ZMAT5: variants seen among roughly 807,000 people sequenced by gnomAD.
The protein encoded by ZMAT5 is zinc finger matrin-type 5, also known as zinc finger matrin-type protein 5.
Under a neutral mutation model 28.0 loss-of-function variants are expected in ZMAT5, and 23 were observed. That is an observed-to-expected ratio of 0.82 (90% CI 0.59 to 1.16). The LOEUF is 1.16. Ranked by LOEUF, ZMAT5 falls within the 50% of genes most tolerant of loss-of-function variation. The pLI is 0.00. For missense variants in ZMAT5, 173 were observed against 212.7 expected, an observed-to-expected ratio of 0.81 and a Z score of 1.16; for synonymous variants, 76 against 84.1, an observed-to-expected ratio of 0.90 and a Z score of 0.52.
chr22:29,739,456 T>C (rs1455276012), intron 4 of ZMAT5, among the ~76,000 whole-genome samples: 1 of 152,180 alleles, frequency 6.6e-6, no homozygotes, highest in Non-Finnish European at 1.5e-5. Flanking sequence ...CCCTGGGCTG[T>C]ACAGGTGTCA....
At chr22:29,765,997 A>G (rs2068207501) in intron 1 of ZMAT5, among the ~76,000 whole-genome samples, 1 of 152,154 alleles carries the variant, frequency 6.6e-6, no homozygotes, top group Non-Finnish European at 1.5e-5. Flanking sequence ...TTTCTCCTGA[A>G]AACCCTTCAA....
At chr22:29,759,928 C>T (rs1274835093) in intron 1 of ZMAT5, among the ~76,000 whole-genome samples, 2 of 151,366 alleles carry the variant, frequency 1.3e-5, no homozygotes, top group African/African-American at 2.4e-5. Context: ...AGGCCGGGCA[C>T]GGTGGCTCAT....
At chr22:29,748,619 C>A in intron 1 of ZMAT5, 48 bp from the exon 2 acceptor site, 1 of 1,597,406 alleles carries the variant, frequency 6.3e-7, no homozygotes, top group South Asian at 1.1e-5. Flanking sequence ...GAAAACACAT[C>A]CCTCACCAGC....
intron 2 of ZMAT5, among the ~76,000 whole-genome samples, chr22:29,745,580 A>G (rs569725044): frequency 1.4e-4 from 22 of 152,218 alleles, no homozygotes; most frequent in Non-Finnish European, 2.1e-4. Flanking sequence ...CCTACTTAGT[A>G]AGCTCTTATG....
chr22:29,749,427 T>G (rs969456819), intron 1 of ZMAT5, among the ~76,000 whole-genome samples: 1 of 151,998 alleles, frequency 6.6e-6, no homozygotes, highest in Admixed American at 6.6e-5. Context: ...CGGCCTCCCC[T>G]TTGCTCCTCA....
intron 1 of ZMAT5, among the ~76,000 whole-genome samples, chr22:29,754,103 GAC>G (rs1556021511): frequency 2.0e-5 from 3 of 152,140 alleles, no homozygotes; most frequent in Non-Finnish European, 1.5e-5. Context: ...AGGGGTCAGG[GAC>G]AGGGGAGGAA....
intron 1 of ZMAT5, among the ~76,000 whole-genome samples, chr22:29,752,336 G>C (rs2068062064): frequency 6.6e-6 from 1 of 152,200 alleles, no homozygotes; most frequent in South Asian, 2.1e-4. Flanking sequence ...GTATGTGTGT[G>C]TATATGTGTG....
intron 4 of ZMAT5, 29 bp from the exon 5 acceptor site, chr22:29,738,470 G>A: frequency 6.3e-7 from 1 of 1,591,918 alleles, no homozygotes; most frequent in Non-Finnish European, 8.6e-7. Context: ...AAAGGCAAGT[G>A]AGGGGTACAC....
chr22:29,738,778 CG>C (rs1432556251), intron 4 of ZMAT5, among the ~76,000 whole-genome samples: 1 of 151,956 alleles, frequency 6.6e-6, no homozygotes, highest in Non-Finnish European at 1.5e-5. Flanking sequence ...CCAAGGCGGG[CG>C]GATCACCTGA....
intron 3 of ZMAT5, 137 bp from the exon 4 acceptor site, chr22:29,740,867 G>C: frequency 1.3e-6 from 1 of 749,426 alleles, no homozygotes; most frequent in Non-Finnish European, 2.2e-6. Flanking sequence ...ATCCGGGACA[G>C]AAAATGGAAT....
At chr22:29,734,247 G>C (rs576191715) in intron 5 of ZMAT5, among the ~76,000 whole-genome samples, 1 of 152,348 alleles carries the variant, frequency 6.6e-6, no homozygotes, top group African/African-American at 2.4e-5. Context: ...AGGGGGATAA[G>C]AGCTATGCCA....
chr22:29,748,744 A>T (rs948560500), intron 1 of ZMAT5, among the ~76,000 whole-genome samples, 173 bp from the exon 2 acceptor site: 2 of 152,196 alleles, frequency 1.3e-5, no homozygotes, highest in Non-Finnish European at 2.9e-5. Flanking sequence ...TTCCAGAGGG[A>T]TCTGTTAACC....
intron 1 of ZMAT5, among the ~76,000 whole-genome samples, chr22:29,749,707 A>G (rs573035536): frequency 6.6e-6 from 1 of 152,206 alleles, no homozygotes; most frequent in East Asian, 1.9e-4. Context: ...CATAATCCCC[A>G]GGTGTCCAGG....
chr22:29,747,232 C>T (rs1011001292), intron 2 of ZMAT5: 45 of 152,218 alleles, frequency 3.0e-4, no homozygotes, highest in African/African-American at 1.0e-3. Context: ...ATGAAAAGCA[C>T]CAGCATGTAG....
In ZMAT5 at chr22:29,731,248, G is replaced by A; in HGVS notation, c.490C>T (p.Gln164Ter). Residue 164 changes from glutamine (Q) to a stop codon, truncating the protein, a stop_gained, in exon 6 of 6, where the codon CAG (glutamine) becomes TAG (stop). Transcript: ENST00000344318. LOFTEE classifies it high-confidence loss of function. ...RAPPPGGWPL[Q>*]PRVQWG ...GCTCAGCCCCACTGGACTCTGGGCT[G>A]CAGAGGCCACCCCCCAGGTGGGGGT... The A allele has an allele frequency of 6.6e-7, 1 of 1,511,848 alleles. No individual in the cohort carries two copies. Among genetic ancestry groups the A allele is most frequent in the South Asian group, 1.4e-5 (1 of 73,510 alleles). The allele number at this position is 1,511,848 out of a possible 1,614,324, so 93.7% of individuals were successfully genotyped here. A position where few individuals can be genotyped will look rare whatever the true frequency, so the allele number is the denominator to read the frequency against.
At chr22:29,762,363 G>C (rs1402786502) in intron 1 of ZMAT5, among the ~76,000 whole-genome samples, 2 of 152,234 alleles carry the variant, frequency 1.3e-5, no homozygotes, top group Non-Finnish European at 2.9e-5. Context: ...GCCCCGGAAC[G>C]GTACGGGTCC....
Position 29,748,589 on chromosome 22 carries a change from G to C in ZMAT5, c.-27-18C>G, listed in dbSNP as rs751079704. 1.9e-5 allele frequency: 31 copies of C among 1,612,458 alleles called. 1 individual carries two copies. In the South Asian group the frequency reaches 3.4e-4, roughly 18 times the overall value. On this transcript the variant is annotated intron_variant, in intron 1 of 5. Transcript: ENST00000344318. ...TTTGCTGCCTGGGAAGCCACAAAGAGCTCAGATTAGACCATTGGAGAAAAC... is the reference window on the plus strand; with the variant it reads ...TTTGCTGCCTGGGAAGCCACAAAGACCTCAGATTAGACCATTGGAGAAAAC...
At chr22:29,748,625 C>G in intron 1 of ZMAT5, 54 bp from the exon 2 acceptor site, 1 of 1,594,484 alleles carries the variant, frequency 6.3e-7, no homozygotes, top group South Asian at 1.1e-5. Flanking sequence ...ACATCCCTCA[C>G]CAGCCCACTG....
intron 1 of ZMAT5, among the ~76,000 whole-genome samples, chr22:29,763,367 GC>G (rs1008312344): frequency 2.6e-5 from 4 of 151,644 alleles, no homozygotes; most frequent in Non-Finnish European, 5.9e-5. Flanking sequence ...ATTTTGGGAG[GC>G]CGAGGTGGGT....
Sources: gnomAD v4.1 joint callset for allele counts (sites outside exome capture counted in the v4.1 genomes callset) on GRCh38, gnomAD v4.1.1 for gene constraint, MANE v1.5 for transcripts, NCBI Gene and HGNC (gene_info 2026-07-23, HGNC 2026-07-21) for gene names.